Variants in TBC1D5 observed in about 807,000 individuals in gnomAD.
TBC1D5 encodes the protein TBC1 domain family member 5.
A neutral mutation model predicts 100.3 loss-of-function variants in TBC1D5; 75 were observed. That is an observed-to-expected ratio of 0.75 (90% CI 0.62 to 0.91). The LOEUF is 0.91. TBC1D5 is among the 40% of genes least tolerant of loss of function. TBC1D5 has a pLI of 0.00. For synonymous variants in TBC1D5, 323 were observed against 325.6 expected (o/e 0.99, Z 0.09); for missense variants, 910 against 942.4 (o/e 0.97, Z 0.45).
At chr3:17,218,760 G>A (rs2073936768) in intron 17 of TBC1D5, among the ~76,000 whole-genome samples, 1 of 151,982 alleles carries the variant, frequency 6.6e-6, no homozygotes, top group South Asian at 2.1e-4. Flanking sequence ...GGTTTTTGAT[G>A]AGAAGTCAGC....
intron 9 of TBC1D5, among the ~76,000 whole-genome samples, chr3:17,377,844 T>C (rs777194908): frequency 3.0e-4 from 45 of 151,974 alleles, no homozygotes; most frequent in Non-Finnish European, 4.6e-4. Flanking sequence ...TCATTGACAA[T>C]TTACTTGTGA....
At chr3:17,566,896 T>A (rs1287256209) in intron 2 of TBC1D5, among the ~76,000 whole-genome samples, 1 of 151,850 alleles carries the variant, frequency 6.6e-6, no homozygotes, top group Admixed American at 6.6e-5. Flanking sequence ...CTTAGAATAT[T>A]TTGGTAAACA....
At chr3:17,622,372 C>G (rs1219386408) in intron 2 of TBC1D5, among the ~76,000 whole-genome samples, 4 of 152,080 alleles carry the variant, frequency 2.6e-5, no homozygotes, top group Non-Finnish European at 5.9e-5. Context: ...CTCCAATCCT[C>G]AAAAATGTCT....
chr3:17,627,159 A>G (rs1305536194), intron 1 of TBC1D5, among the ~76,000 whole-genome samples: 1 of 152,176 alleles, frequency 6.6e-6, no homozygotes, highest in African/African-American at 2.4e-5. Context: ...GACTAATGAG[A>G]TATAATGGGT....
intron 3 of TBC1D5, among the ~76,000 whole-genome samples, chr3:17,501,030 T>A (rs1284587231): frequency 6.7e-6 from 1 of 149,800 alleles, no homozygotes; most frequent in African/African-American, 2.5e-5. Flanking sequence ...GAGATATTTT[T>A]AAAATCCACG....
chr3:17,185,279 T>G (rs913377832), intron 18 of TBC1D5, 71 bp from the exon 20 acceptor site: 4 of 1,290,290 alleles, frequency 3.1e-6, no homozygotes, highest in African/African-American at 3.0e-5. Context: ...GTTTTCTAAA[T>G]GATCTAGACT....
At chr3:17,589,294 C>T (rs1168912426) in intron 2 of TBC1D5, among the ~76,000 whole-genome samples, 1 of 152,202 alleles carries the variant, frequency 6.6e-6, no homozygotes, top group Non-Finnish European at 1.5e-5. Context: ...TATTCTCAAA[C>T]AACAATGCTT....
chr3:17,279,873 C>T (rs1340770799), intron 15 of TBC1D5, among the ~76,000 whole-genome samples: 1 of 152,198 alleles, frequency 6.6e-6, no homozygotes. Context: ...ATGCATTACA[C>T]TGAAAGCTTT....
chr3:17,734,120 T>C (rs1216146949), intron 1 of TBC1D5, among the ~76,000 whole-genome samples: 1 of 152,250 alleles, frequency 6.6e-6, no homozygotes, highest in African/African-American at 2.4e-5. Context: ...GCTGTAATAA[T>C]GTCTAGTGTA....
chr3:17,511,935 T>A (rs1576441103), intron 2 of TBC1D5, among the ~76,000 whole-genome samples: 1 of 152,070 alleles, frequency 6.6e-6, no homozygotes, highest in East Asian at 1.9e-4. Flanking sequence ...ATAATGTTCA[T>A]AGTTTTCTTT....
At chr3:17,348,168 T>G (rs1407010058) in intron 13 of TBC1D5, among the ~76,000 whole-genome samples, 1 of 152,242 alleles carries the variant, frequency 6.6e-6, no homozygotes, top group Non-Finnish European at 1.5e-5. Context: ...ATTGGACAAA[T>G]AATTTCTCCT....
At chr3:17,298,873 G>A (rs1019428390) in intron 14 of TBC1D5, among the ~76,000 whole-genome samples, 8 of 152,138 alleles carry the variant, frequency 5.3e-5, no homozygotes, top group Admixed American at 3.3e-4. Flanking sequence ...GGGATGAATA[G>A]GCAGAACACA....
chr3:17,352,967 C>A (rs180829490), intron 13 of TBC1D5, among the ~76,000 whole-genome samples: 1 of 152,128 alleles, frequency 6.6e-6, no homozygotes. Context: ...GTTTTCACTA[C>A]AAACAGTAAA....
chr3:17,244,561 T>C (rs1020057552), intron 16 of TBC1D5, among the ~76,000 whole-genome samples: 1 of 152,162 alleles, frequency 6.6e-6, no homozygotes, highest in African/African-American at 2.4e-5. Context: ...CTTTCTATCA[T>C]TTTCTCAAAT....
At chr3:17,556,355 C>A (rs1206590932) in intron 2 of TBC1D5, among the ~76,000 whole-genome samples, 2 of 152,120 alleles carry the variant, frequency 1.3e-5, no homozygotes, top group Admixed American at 6.6e-5. Context: ...TAAGAAATTT[C>A]TATTGGTTTA....
chr3:17,194,694 A>T (rs1225477196), intron 18 of TBC1D5, among the ~76,000 whole-genome samples: 1 of 152,230 alleles, frequency 6.6e-6, no homozygotes, highest in South Asian at 2.1e-4. Flanking sequence ...TTTTCAGAAG[A>T]TATCTTTCTG....
chr3:17,318,301 A>G (rs1206351642), intron 13 of TBC1D5, among the ~76,000 whole-genome samples: 2 of 151,902 alleles, frequency 1.3e-5, no homozygotes, highest in Non-Finnish European at 2.9e-5. Context: ...TGGGTGCAGC[A>G]CACCAACATG....
At chr3:17,653,140 G>A (rs912678205) in intron 1 of TBC1D5, among the ~76,000 whole-genome samples, 1 of 152,070 alleles carries the variant, frequency 6.6e-6, no homozygotes, top group African/African-American at 2.4e-5. Flanking sequence ...TACATAGTCA[G>A]AACACAGACT....
chr3:17,690,543 T>G (rs57309958), intron 1 of TBC1D5, among the ~76,000 whole-genome samples: 74,914 of 136,984 alleles, frequency 0.55, 22,591 homozygotes, highest in East Asian at 0.99. Flanking sequence ...TATAACAGGG[T>G]TCTCCAACCC....
Sources: gnomAD v4.1 joint callset for allele counts (sites outside exome capture counted in the v4.1 genomes callset) on GRCh38, gnomAD v4.1.1 for gene constraint, MANE v1.5 for transcripts, NCBI Gene and HGNC (gene_info 2026-07-23, HGNC 2026-07-21) for gene names.